Variants in ZNF518A observed in about 807,000 individuals in gnomAD.
The protein encoded by ZNF518A is zinc finger protein 518.
Under a neutral mutation model 102.7 loss-of-function variants are expected in ZNF518A, and 47 were observed. The observed-to-expected ratio is 0.46, with a 90% confidence interval of 0.36 to 0.58. The LOEUF (loss-of-function observed/expected upper bound fraction) is 0.58. Ranked by LOEUF, ZNF518A falls within the 20% of genes least tolerant of loss-of-function variation. ZNF518A has a pLI of 0.00. For missense variants in ZNF518A, 1,793 were observed against 1,699.8 expected (o/e 1.05, Z -0.96); for synonymous variants, 652 against 594.6 (o/e 1.10, Z -1.40).
Position 96,157,875 on chromosome 10 carries a change from C to A in ZNF518A, c.1553C>A (p.Ser518Tyr). The change falls in exon 6 of 6, where the codon TCT becomes TAT. Residue 518 changes from serine to tyrosine, a missense_variant. By Grantham distance (144) the Ser-to-Tyr change is moderately radical (BLOSUM62 -2). Coordinates refer to ENST00000316045, the MANE Select transcript of ZNF518A (RefSeq NM_001330736.2). ...GCAGCTACTCCATTTTCATGTTCAT[C>A]TTCTATACTTTCAGGGAAAGCAAGT... Reference protein sequence around the residue: ...MKAATPFSCSSSILSGKASSE... With the variant: ...MKAATPFSCSYSILSGKASSE... 1 of 1,613,864 alleles carries A rather than the reference C, an allele frequency of 6.2e-7. No homozygotes were observed. Among genetic ancestry groups the A allele is most frequent in the Non-Finnish European group, 8.5e-7 (1 of 1,179,778 alleles).
intron 3 of ZNF518A, among the ~76,000 whole-genome samples, chr10:96,148,300 TGTG>T (rs1468976590): frequency 6.6e-6 from 1 of 152,096 alleles, no homozygotes; most frequent in Non-Finnish European, 1.5e-5. Flanking sequence ...ATTAGCCTGG[TGTG>T]GTGGCACATG....
At chr10:96,195,826 G>C (rs1434912378) in intron 1 of ZNF518A, among the ~76,000 whole-genome samples, 2 of 152,138 alleles carry the variant, frequency 1.3e-5, no homozygotes, top group African/African-American at 4.8e-5. Context: ...TGTCTAAAAG[G>C]CAAAATAAAG....
Position 96,200,200 on chromosome 10 carries a change from C to T in ZNF518A, n.36-3374C>T. On this transcript the variant is annotated intron_variant and non_coding_transcript_variant, in intron 1 of 2. Coordinates refer to the ZNF518A transcript ENST00000442635. The surrounding 1 kb of genome is among the most constrained non-coding windows in gnomAD (Gnocchi z 4.3). ...ACTGGTCAGCATGGGATGGTCCCTACTTAACTCTAATTTCTGTGTACTAGA... is the reference window on the plus strand; with the variant it reads ...ACTGGTCAGCATGGGATGGTCCCTATTTAACTCTAATTTCTGTGTACTAGA... 1 of 1,551,938 alleles carries T rather than the reference C, an allele frequency of 6.4e-7. No homozygotes were observed. Among genetic ancestry groups the T allele is most frequent in the Non-Finnish European group, 8.9e-7 (1 of 1,124,424 alleles).
Position 96,160,482 on chromosome 10 carries a change from T to G in ZNF518A, c.4160T>G (p.Leu1387Ter). 1 of 1,613,318 alleles carries G rather than the reference T, an allele frequency of 6.2e-7. No homozygotes were observed. The change falls in exon 6 of 6, where the codon TTA (leucine) becomes TGA (stop). Residue 1387 changes from leucine to a stop codon, truncating the protein, a stop_gained. Transcript: ENST00000316045. LOFTEE classifies it high-confidence loss of function. ...TTGTCAAAAAGAACTATAAATGCTT[T>G]ACTGAAACCAGTTTGTTATAACCCT... The part of the protein sequence containing the change: ...VSLSKRTINA[L>*]LKPVCYNPPK...
Position 96,139,238 on chromosome 10 carries a change from C to A in ZNF518A, c.-302+5590C>A, listed in dbSNP as rs183911297. 3.9e-5 allele frequency among the ~76,000 whole-genome samples: 6 copies of A among 152,028 alleles called. No individual in the cohort carries two copies. In the East Asian group the frequency reaches 1.2e-3, roughly 29 times the overall value. ...ACCAGATACCGCTGTTTCTTGCAGG[C>A]CTTTGTAAAGAGATTAAATTTTATT... On this transcript the variant is annotated intron_variant, in intron 3 of 5. Transcript: ENST00000316045.
intron 1 of ZNF518A, among the ~76,000 whole-genome samples, chr10:96,194,768 A>ATTT (rs71034364): frequency 0.03 from 3,331 of 110,174 alleles, 247 homozygotes; most frequent in East Asian, 0.16. Flanking sequence ...AGAAATGCAA[A>ATTT]TTTTTTTTTT....
chr10:96,130,944 TTTAACTC>T lies in ZNF518A; in HGVS notation c.-453+197_-453+203del, dbSNP rs1315981201. The T allele has an allele frequency of 1.4e-4, 21 of 152,296 alleles. No homozygotes were observed. In the East Asian group the frequency reaches 2.7e-3, roughly 20 times the overall value. 9.4% of individuals were successfully genotyped at this position (152,296 alleles called of 1,614,324 possible). A position where few individuals can be genotyped will look rare whatever the true frequency, so the allele number is the denominator to read the frequency against. On this transcript the variant is annotated intron_variant, in intron 1 of 5. Coordinates refer to ENST00000316045, the MANE Select transcript of ZNF518A (RefSeq NM_001330736.2). ...GCGAAATGTATATAAGGAAAAATGTTTTAACTCTTAAGTGGACCGATCAAACAGATGT... is the reference window on the plus strand; with the variant it reads ...GCGAAATGTATATAAGGAAAAATGTTTTAAGTGGACCGATCAAACAGATGT...
At chr10:96,166,619 A>G (rs781958772), downstream of ZNF518A, among the ~76,000 whole-genome samples, 10 of 152,116 alleles carry the variant, frequency 6.6e-5, no homozygotes, top group Non-Finnish European at 1.2e-4. Context: ...ATACAAAAAA[A>G]TAGCCAGGCA....
chr10:96,179,662 A>T (rs1312731272), intron 1 of ZNF518A, among the ~76,000 whole-genome samples: 1 of 152,218 alleles, frequency 6.6e-6, no homozygotes, highest in African/African-American at 2.4e-5. Context: ...ACTTCCACAC[A>T]AAACCCTAAC....
At chr10:96,186,822 G>T (rs368986107) in intron 1 of ZNF518A, among the ~76,000 whole-genome samples, 1 of 152,170 alleles carries the variant, frequency 6.6e-6, no homozygotes. Context: ...AATAACTTGC[G>T]CTAAACCATA....
chr10:96,192,243 T>A, intron 1 of ZNF518A: 1 of 1,109,292 alleles, frequency 9.0e-7, no homozygotes, highest in Non-Finnish European at 1.3e-6. Flanking sequence ...ACAAAGGCTG[T>A]AACCTTCAAG....
chr10:96,199,941 T>C, intron 1 of ZNF518A: 1 of 487,982 alleles, frequency 2.0e-6, no homozygotes, highest in Non-Finnish European at 3.2e-6. Context: ...TGAGAATCAC[T>C]TGAACTTGGG....
chr10:96,157,914 T>C lies in ZNF518A; in HGVS notation c.1592T>C (p.Met531Thr). Residue 531 changes from methionine to threonine, a missense_variant, in exon 6 of 6, where the codon ATG (methionine) becomes ACG (threonine). Met to Thr is a moderately conservative substitution (Grantham distance 81, BLOSUM62 -1). Coordinates refer to ENST00000316045, the MANE Select transcript of ZNF518A (RefSeq NM_001330736.2). ...GGGAAAGCAAGTTCAGAAAAAGAAA[T>C]GACTTTGATATCTCAAAGGAATAAT... ...LSGKASSEKE[M>T]TLISQRNNML... 1 of 1,613,830 alleles carries C rather than the reference T, an allele frequency of 6.2e-7. No homozygotes were observed. The highest frequency in any genetic ancestry group is 2.2e-5 in the East Asian group (1 of 44,874).
At chr10:96,164,998 A>G (rs782579359), downstream of ZNF518A, among the ~76,000 whole-genome samples, 2 of 152,226 alleles carry the variant, frequency 1.3e-5, no homozygotes, top group Non-Finnish European at 2.9e-5. Context: ...TAAATTTGGG[A>G]GAGAGACCAA....
intron 3 of ZNF518A, among the ~76,000 whole-genome samples, chr10:96,151,004 C>T (rs1474701552): frequency 3.3e-5 from 5 of 151,978 alleles, no homozygotes; most frequent in Admixed American, 6.6e-5. Flanking sequence ...CCGCCCCCCT[C>T]GGCCTCCCAA....
At chr10:96,192,411 C>T (rs587755653) in intron 1 of ZNF518A, among the ~76,000 whole-genome samples, 3 of 152,218 alleles carry the variant, frequency 2.0e-5, no homozygotes, top group South Asian at 2.1e-4. Context: ...TATCATACAA[C>T]GCATTTTTCT....
At chr10:96,129,983 C>T (rs587720412), upstream of ZNF518A, 2 of 152,832 alleles carry the variant, frequency 1.3e-5, no homozygotes, top group South Asian at 4.1e-4. Flanking sequence ...TTCTCTTCCG[C>T]TTGTCTCAGG....
In ZNF518A at chr10:96,161,570, T is replaced by A. The variant is rs1391200982; in HGVS notation, c.*796T>A. On this transcript the variant is annotated 3_prime_UTR_variant, in exon 6 of 6. Coordinates refer to ENST00000316045, the MANE Select transcript of ZNF518A (RefSeq NM_001330736.2). ...TTTGATTATATTCTCTGATGATCCCTTTGCACAGAACTATGCTTATCTCAT... is the reference window on the plus strand; with the variant it reads ...TTTGATTATATTCTCTGATGATCCCATTGCACAGAACTATGCTTATCTCAT... 6.0e-6 allele frequency: 1 copy of A among 166,712 alleles called. No individual in the cohort carries two copies. The highest frequency in any genetic ancestry group is 1.5e-5 in the Non-Finnish European group (1 of 68,048). The allele number at this position is 166,712 out of a possible 1,614,324, so 10.3% of individuals were successfully genotyped here. A position where few individuals can be genotyped will look rare whatever the true frequency, so the allele number is the denominator to read the frequency against.
At chr10:96,189,734 C>CA in intron 1 of ZNF518A, 1 of 729,078 alleles carries the variant, frequency 1.4e-6, no homozygotes, top group South Asian at 1.4e-5. Flanking sequence ...TCATCATCAT[C>CA]TTCATCAGCA....
Sources: allele counts gnomAD v4.1 joint callset (sites outside exome capture counted in the v4.1 genomes callset), GRCh38; gene constraint gnomAD v4.1.1; non-coding constraint Gnocchi (gnomAD v3.1); transcripts MANE v1.5; gene names NCBI Gene and HGNC (gene_info 2026-07-23, HGNC 2026-07-21).